The following ZNF700 variants were observed in gnomAD, a reference collection of about 807,000 sequenced individuals.
The protein encoded by ZNF700 is zinc finger protein 700.
ZNF700 carries 38 observed loss-of-function variants against 65.3 expected under a neutral mutation model. The observed-to-expected ratio is 0.58, with a 90% CI of 0.45 to 0.76. The LOEUF (loss-of-function observed/expected upper bound fraction) is 0.76. Ranked by LOEUF, ZNF700 falls within the 30% of genes least tolerant of loss-of-function variation. The pLI is 0.00. For synonymous variants in ZNF700, 285 were observed against 290.4 expected, an observed-to-expected ratio of 0.98 and a Z score of 0.19; for missense variants, 857 against 888.4, an observed-to-expected ratio of 0.96 and a Z score of 0.45.
Position 11,925,255 on chromosome 19 carries a change from A to T in ZNF700, c.45A>T (p.Thr15=), listed in dbSNP as rs1052800815. ...SHRSCREDPG[T]SESREMDPVA... ...GGAGCTGTAGAGAGGACCCCGGTAC[A>T]TCTGAAAGCCGGGAAATGGTGCGTG... The change falls in exon 1 of 4, where the codon ACA becomes ACT. Residue 15 remains threonine, a synonymous_variant. Coordinates refer to ENST00000254321, the MANE Select transcript of ZNF700 (RefSeq NM_144566.3). The T allele has an allele frequency of 1.9e-6, 3 of 1,612,606 alleles. No individual in the cohort carries two copies. The highest frequency in any genetic ancestry group is 2.5e-6 in the Non-Finnish European group (3 of 1,179,156).
chr19:11,939,079 T>TG (rs1972840661), intron 1 of ZNF700, among the ~76,000 whole-genome samples: 3 of 150,038 alleles, frequency 2.0e-5, no homozygotes, highest in Admixed American at 6.6e-5. Context: ...GGTTGTTTGA[T>TG]TTTTTCTTGT....
intron 1 of ZNF700, among the ~76,000 whole-genome samples, chr19:11,940,994 A>T (rs1271463091): frequency 6.6e-6 from 1 of 151,614 alleles, no homozygotes; most frequent in African/African-American, 2.4e-5. Context: ...CAGAGTGCCG[A>T]TTGGTGTATT....
intron 1 of ZNF700, among the ~76,000 whole-genome samples, chr19:11,935,521 T>C (rs279245): frequency 0.21 from 31,389 of 151,926 alleles, 7,492 homozygotes; most frequent in African/African-American, 0.59. Flanking sequence ...CATGAGCCAC[T>C]GTGCCTGGCT....
intron 1 of ZNF700, among the ~76,000 whole-genome samples, chr19:11,937,652 C>T (rs1310745638): frequency 6.6e-6 from 1 of 151,752 alleles, no homozygotes; most frequent in Non-Finnish European, 1.5e-5. Context: ...CCACGCTTGG[C>T]TAATTTTTTG....
intron 1 of ZNF700, among the ~76,000 whole-genome samples, chr19:11,938,054 A>G (rs1013017224): frequency 9.2e-5 from 14 of 151,682 alleles, no homozygotes; most frequent in Non-Finnish European, 1.8e-4. Context: ...TTCTGCCTCT[A>G]TTTATTCATT....
At chr19:11,941,588 G>A (rs1036155774) in intron 1 of ZNF700, among the ~76,000 whole-genome samples, 14 of 152,198 alleles carry the variant, frequency 9.2e-5, no homozygotes, top group South Asian at 6.2e-4. Context: ...CGGCTGCTCC[G>A]AGTGCGGGGC....
intron 1 of ZNF700, among the ~76,000 whole-genome samples, chr19:11,938,082 G>C (rs564924616): frequency 6.6e-6 from 1 of 151,104 alleles, no homozygotes; most frequent in African/African-American, 2.4e-5. Context: ...TTTTTTGTTC[G>C]TTTGGAGACG....
chr19:11,950,341 A>G lies in ZNF700; in HGVS notation c.*88A>G, dbSNP rs1164556589. ...ATGTGGCAAAACTTTCACATTTTCCAGTTCTTTTCGATATCATGAAAGGAC... is the reference window on the plus strand; with the variant it reads ...ATGTGGCAAAACTTTCACATTTTCCGGTTCTTTTCGATATCATGAAAGGAC... On this transcript the variant is annotated 3_prime_UTR_variant, in exon 4 of 4. Coordinates refer to ENST00000254321, the MANE Select transcript of ZNF700 (RefSeq NM_144566.3). 4 of 1,365,124 alleles carry G rather than the reference A, an allele frequency of 2.9e-6. No homozygotes were observed. Among genetic ancestry groups the G allele is most frequent in the Non-Finnish European group, 4.1e-6 (4 of 980,806 alleles). 84.6% of individuals were successfully genotyped at this position (1,365,124 alleles called of 1,614,324 possible).
In ZNF700 at chr19:11,949,176, C is replaced by A. The variant is rs747578337; in HGVS notation, c.1152C>A (p.His384Gln). ...CATTTCAAACACATGAAAAAACTCACACTGGAGAGAAACGCTATAAATGCA... is the reference window on the plus strand; with the variant it reads ...CATTTCAAACACATGAAAAAACTCAAACTGGAGAGAAACGCTATAAATGCA... Reference protein sequence around the residue: ...AKSFQTHEKTHTGEKRYKCKQ... With the variant: ...AKSFQTHEKTQTGEKRYKCKQ... Residue 384 changes from histidine (H) to glutamine (Q), a missense_variant, in exon 4 of 4, where the codon CAC becomes CAA. Transcript: ENST00000254321. 10 of 1,612,844 alleles carry A rather than the reference C, an allele frequency of 6.2e-6. No individual in the cohort carries two copies. Among genetic ancestry groups the A allele is most frequent in the Non-Finnish European group, 8.5e-6 (10 of 1,179,676 alleles).
chr19:11,931,221 A>G (rs191705386), intron 1 of ZNF700, among the ~76,000 whole-genome samples: 2 of 147,900 alleles, frequency 1.4e-5, no homozygotes, highest in Non-Finnish European at 2.9e-5. Flanking sequence ...TATTTCTGGC[A>G]GTTCTTGAGG....
chr19:11,935,499 C>T (rs368768366), intron 1 of ZNF700, among the ~76,000 whole-genome samples: 4 of 151,788 alleles, frequency 2.6e-5, no homozygotes, highest in Middle Eastern at 3.2e-3. Context: ...CCCAAAGTGC[C>T]GGGATTATAG....
intron 1 of ZNF700, among the ~76,000 whole-genome samples, chr19:11,932,549 A>G (rs1288583849): frequency 4.1e-5 from 6 of 147,258 alleles, no homozygotes; most frequent in Middle Eastern, 3.4e-3. Context: ...TAACTGCCTT[A>G]CTTTTCTTTA....
intron 1 of ZNF700, among the ~76,000 whole-genome samples, chr19:11,941,780 G>A (rs1028285661): frequency 1.1e-4 from 16 of 152,360 alleles, no homozygotes; most frequent in African/African-American, 3.4e-4. Flanking sequence ...CTCAAGTGCC[G>A]CCAAAGTGGG....
intron 1 of ZNF700, among the ~76,000 whole-genome samples, chr19:11,945,898 C>T (rs1442223353): frequency 1.3e-4 from 20 of 152,188 alleles, no homozygotes; most frequent in Non-Finnish European, 8.8e-5. Context: ...CCCTATAGTA[C>T]AAGTGCAGGG....
intron 3 of ZNF700, 31 bp from the exon 4 acceptor site, chr19:11,948,245 C>T (rs547239191): frequency 5.0e-6 from 8 of 1,595,402 alleles, no homozygotes; most frequent in South Asian, 2.3e-5. Context: ...TGTAAACAAA[C>T]CCTTCATGAT....
intron 1 of ZNF700, among the ~76,000 whole-genome samples, chr19:11,926,369 CG>C (rs1455345576): frequency 6.6e-6 from 1 of 152,052 alleles, no homozygotes; most frequent in African/African-American, 2.4e-5. Flanking sequence ...GGCCAAGAGC[CG>C]GTCACTTCAC....
At position 11,936,770 on chromosome 19, in the gene ZNF700, A is replaced by G. The variant is rs560603642; in HGVS notation, c.64-10411A>G. ...AGTCATGAAGTCCTTGCCCATGCCT[A>G]TGTCCTGAATGGTATTGCCTAGGTT... is the stretch of plus-strand genomic sequence containing the variant. On this transcript the variant is annotated intron_variant, in intron 1 of 3. Transcript: ENST00000254321. Among the ~76,000 whole-genome samples the G allele has an allele frequency of 1.9e-4, 29 of 152,236 alleles. No homozygotes were observed. In the South Asian group the frequency reaches 5.6e-3, roughly 29 times the overall value.
At chr19:11,941,646 C>T (rs142882256) in intron 1 of ZNF700, among the ~76,000 whole-genome samples, 3,056 of 152,290 alleles carry the variant, frequency 0.02, 122 homozygotes, top group African/African-American at 0.069. Flanking sequence ...GCAAGCGCCG[C>T]GCGCAGCCCC....
chr19:11,949,654 G>T lies in ZNF700; in HGVS notation c.1630G>T (p.Ala544Ser). 6.2e-7 allele frequency: 1 copy of T among 1,613,852 alleles called. No homozygotes were observed. The highest frequency in any genetic ancestry group is 8.5e-7 in the Non-Finnish European group (1 of 1,179,988). ...CTATGAATGCAACCAATGTGGTAAA[G>T]CCTTCAGATGTTGCAATTCCCTTCG... Reference protein sequence around the residue: ...KPYECNQCGKAFRCCNSLRYH... With the variant: ...KPYECNQCGKSFRCCNSLRYH... Residue 544 changes from alanine to serine, a missense_variant, in exon 4 of 4, where the codon GCC becomes TCC. Transcript: ENST00000254321.
Sources: allele counts gnomAD v4.1 joint callset (sites outside exome capture counted in the v4.1 genomes callset), GRCh38; gene constraint gnomAD v4.1.1; transcripts MANE v1.5; gene names NCBI Gene and HGNC (gene_info 2026-07-23, HGNC 2026-07-21).